The following ST18 variants were observed in gnomAD, a reference collection of about 807,000 sequenced individuals.
ST18 encodes the protein ST18 C2H2C-type zinc finger transcription factor, also known as suppression of tumorigenicity 18 protein.
In ST18, 50 loss-of-function variants were observed where a neutral mutation model predicts 110.0. The ratio of observed to expected loss-of-function variants is 0.45; its 90% CI spans 0.36 to 0.58. The LOEUF is 0.58. Among genes scored for constraint, ST18 ranks in the 20% least tolerant of loss-of-function variants. The pLI, the probability that ST18 is intolerant of heterozygous loss-of-function variation, is 0.00. For synonymous variants in ST18, 461 were observed against 452.4 expected (o/e 1.02, Z -0.24); for missense variants, 1,306 against 1,280.1 (o/e 1.02, Z -0.31).
At chr8:52,161,619 G>A (rs1052486968) in intron 13 of ST18, 51 bp from the exon 14 acceptor site, 15 of 1,580,024 alleles carry the variant, frequency 9.5e-6, no homozygotes, top group Non-Finnish European at 1.3e-5. Context: ...AACTACTGGT[G>A]AGCACATTAG....
At chr8:52,223,384 C>T (rs749212407) in intron 3 of ST18, among the ~76,000 whole-genome samples, 21 of 152,180 alleles carry the variant, frequency 1.4e-4, no homozygotes, top group Non-Finnish European at 2.4e-4. Context: ...TGGCTCACGC[C>T]TGTAATCCCA....
At chr8:52,176,118 T>A (rs2066844404) in intron 9 of ST18, among the ~76,000 whole-genome samples, 1 of 151,948 alleles carries the variant, frequency 6.6e-6, no homozygotes. Flanking sequence ...GCCTCCCAGG[T>A]ACAAGTGATT....
chr8:52,357,676 A>AATATAT (rs71252934), intron 2 of ST18, among the ~76,000 whole-genome samples: 96 of 38,394 alleles, frequency 2.5e-3, no homozygotes, highest in Middle Eastern at 0.022. Flanking sequence ...AAAATCTATA[A>AATATAT]ATATATATAT....
chr8:52,167,909 T>C (rs2063552796), intron 10 of ST18, among the ~76,000 whole-genome samples: 1 of 151,940 alleles, frequency 6.6e-6, no homozygotes, highest in Non-Finnish European at 1.5e-5. Flanking sequence ...GCACACACTT[T>C]GCCACAACTT....
chr8:52,211,223 G>A (rs988997085), intron 8 of ST18, among the ~76,000 whole-genome samples: 1 of 151,928 alleles, frequency 6.6e-6, no homozygotes, highest in African/African-American at 2.4e-5. Context: ...ATTTATCCTG[G>A]AAAACCTGTT....
At chr8:52,402,409 G>A (rs1843069023) in intron 2 of ST18, among the ~76,000 whole-genome samples, 1 of 152,136 alleles carries the variant, frequency 6.6e-6, no homozygotes, top group South Asian at 2.1e-4. Flanking sequence ...CCAAGCCAAG[G>A]ACTGTGACTC....
intron 2 of ST18, among the ~76,000 whole-genome samples, chr8:52,255,709 GA>G (rs1564344953): frequency 6.6e-6 from 1 of 152,054 alleles, no homozygotes; most frequent in East Asian, 1.9e-4. Flanking sequence ...GTGTCCATTA[GA>G]AAAAAGACAT....
intron 3 of ST18, among the ~76,000 whole-genome samples, chr8:52,229,279 T>C (rs2090581383): frequency 6.6e-6 from 1 of 152,250 alleles, no homozygotes; most frequent in Non-Finnish European, 1.5e-5. Context: ...GGTCTTACAG[T>C]TTTGGAGGTC....
intron 2 of ST18, among the ~76,000 whole-genome samples, chr8:52,254,506 T>C (rs903349907): frequency 6.6e-6 from 1 of 152,116 alleles, no homozygotes; most frequent in African/African-American, 2.4e-5. Context: ...CCCAAAACTT[T>C]CACTTTAATT....
intron 2 of ST18, among the ~76,000 whole-genome samples, chr8:52,346,388 T>C (rs1458653367): frequency 6.6e-6 from 1 of 152,004 alleles, no homozygotes; most frequent in Non-Finnish European, 1.5e-5. Flanking sequence ...AAAGTTCCAA[T>C]ATACAATGAA....
chr8:52,136,579 C>T lies in ST18; in HGVS notation c.2300+11G>A, dbSNP rs770925737. The T allele has an allele frequency of 4.2e-5, 67 of 1,607,280 alleles. No individual in the cohort carries two copies. In the East Asian group the frequency reaches 8.5e-4, roughly 20 times the overall value. ...GATGAAGGGCAAGCCGGCCACGCTTCCCGCACTTACTTAAGCTCCTGAGAG... is the reference window on the plus strand; with the variant it reads ...GATGAAGGGCAAGCCGGCCACGCTTTCCGCACTTACTTAAGCTCCTGAGAG... On this transcript the variant is annotated intron_variant, in intron 19 of 25. Transcript: ENST00000689386.
intron 2 of ST18, among the ~76,000 whole-genome samples, chr8:52,243,469 C>T (rs771748235): frequency 6.6e-6 from 1 of 152,126 alleles, no homozygotes; most frequent in African/African-American, 2.4e-5. Flanking sequence ...CCTCTCTATT[C>T]TGTTCCCAGA....
intron 2 of ST18, chr8:52,405,658 G>A (rs1359664744): frequency 1.3e-5 from 2 of 152,124 alleles, no homozygotes; most frequent in Non-Finnish European, 2.9e-5. Context: ...TGTAGCTGTT[G>A]GAAGGGCTAG....
At chr8:52,355,395 G>C (rs1822244339) in intron 2 of ST18, among the ~76,000 whole-genome samples, 1 of 152,152 alleles carries the variant, frequency 6.6e-6, no homozygotes, top group Admixed American at 6.6e-5. Context: ...CCCTAGCATA[G>C]CCAAAATGTA....
intron 12 of ST18, among the ~76,000 whole-genome samples, chr8:52,164,567 C>T (rs1563794339): frequency 6.6e-6 from 1 of 152,186 alleles, no homozygotes; most frequent in Non-Finnish European, 1.5e-5. Context: ...GCCACATAAT[C>T]GACTTGTAAT....
chr8:52,150,614 A>C (rs2361170), intron 15 of ST18, among the ~76,000 whole-genome samples: 54,853 of 152,026 alleles, frequency 0.36, 12,617 homozygotes, highest in African/African-American at 0.66. Context: ...CCATGCTTCA[A>C]ACCGGTGGTG....
intron 3 of ST18, among the ~76,000 whole-genome samples, chr8:52,225,094 T>C (rs1377478571): frequency 3.3e-5 from 5 of 152,222 alleles, no homozygotes; most frequent in Non-Finnish European, 5.9e-5. Context: ...CTTACACTAG[T>C]AGGCATAACA....
chr8:52,310,674 C>A (rs544985742), intron 2 of ST18, among the ~76,000 whole-genome samples: 2 of 152,268 alleles, frequency 1.3e-5, no homozygotes, highest in South Asian at 4.2e-4. Flanking sequence ...AGGGCTACTG[C>A]AATGTGGTTG....
At position 52,160,479 on chromosome 8, in the gene ST18, C is replaced by A. The variant is rs78245244; in HGVS notation, c.1594+896G>T. 3.9e-3 allele frequency among the ~76,000 whole-genome samples: 589 copies of A among 152,288 alleles called. 2 individuals carry two copies. The highest frequency in any genetic ancestry group is 6.5e-3 in the Non-Finnish European group (445 of 68,022). On this transcript the variant is annotated intron_variant, in intron 14 of 25. Transcript: ENST00000689386. ...TAAACATTCTGTGCTCTTAAGACCA[C>A]TCAGTTTCCATAGCCTGGTGCAAGT...
Sources: gnomAD v4.1 joint callset for allele counts (sites outside exome capture counted in the v4.1 genomes callset) on GRCh38, gnomAD v4.1.1 for gene constraint, MANE v1.5 for transcripts, NCBI Gene and HGNC (gene_info 2026-07-23, HGNC 2026-07-21) for gene names.